Variants in SEMA3A observed in about 807,000 individuals in gnomAD.
SEMA3A encodes semaphorin 3A.
A neutral mutation model predicts 97.9 loss-of-function variants in SEMA3A; 29 were observed. The observed-to-expected ratio is 0.30, with a 90% CI of 0.22 to 0.40. SEMA3A has a LOEUF of 0.40. Ranked by LOEUF, SEMA3A falls within the 10% of genes least tolerant of loss-of-function variation. The pLI, the probability that SEMA3A is intolerant of heterozygous loss-of-function variation, is 1.00. For synonymous variants in SEMA3A, 321 were observed against 323.7 expected, an observed-to-expected ratio of 0.99 and a Z score of 0.09; for missense variants, 763 against 951.3, an observed-to-expected ratio of 0.80 and a Z score of 2.60.
At chr7:84,018,074 A>T (rs1005750656) in intron 6 of SEMA3A, among the ~76,000 whole-genome samples, 1 of 152,198 alleles carries the variant, frequency 6.6e-6, no homozygotes, top group African/African-American at 2.4e-5. Flanking sequence ...TAGATTTATT[A>T]TCAACAACTG....
intron 3 of SEMA3A, among the ~76,000 whole-genome samples, chr7:84,127,452 G>A (rs1795833093): frequency 6.6e-6 from 1 of 152,010 alleles, no homozygotes; most frequent in Admixed American, 6.6e-5. Flanking sequence ...AGCATACCCT[G>A]TTATTAAGCT....
chr7:84,457,844 T>C (rs1277874809), intron 1 of SEMA3A, among the ~76,000 whole-genome samples: 2 of 152,038 alleles, frequency 1.3e-5, no homozygotes, highest in Non-Finnish European at 2.9e-5. Context: ...AATTCACTTT[T>C]GTTATGTAGC....
intron 3 of SEMA3A, among the ~76,000 whole-genome samples, chr7:84,213,894 G>A (rs1439095761): frequency 6.6e-6 from 1 of 152,192 alleles, no homozygotes; most frequent in Non-Finnish European, 1.5e-5. Flanking sequence ...CATGGAAATA[G>A]AGGCATTGGG....
chr7:84,035,110 G>C (rs1287984434), intron 6 of SEMA3A, among the ~76,000 whole-genome samples: 1 of 151,828 alleles, frequency 6.6e-6, no homozygotes. Context: ...AAAATTATTA[G>C]ACCATCTATA....
upstream of SEMA3A, among the ~76,000 whole-genome samples, chr7:84,199,725 C>T (rs866982465): frequency 6.6e-6 from 1 of 151,954 alleles, no homozygotes; most frequent in Admixed American, 6.5e-5. Flanking sequence ...AAATTTGAAC[C>T]TTTCTTTTTT....
chr7:84,244,608 G>A (rs750269209), intron 3 of SEMA3A, among the ~76,000 whole-genome samples: 7 of 152,084 alleles, frequency 4.6e-5, no homozygotes, highest in Non-Finnish European at 7.4e-5. Flanking sequence ...ATATTGTTAC[G>A]TGTGAATTTA....
chr7:84,236,430 T>A (rs757676421), intron 3 of SEMA3A, among the ~76,000 whole-genome samples: 32 of 152,142 alleles, frequency 2.1e-4, no homozygotes, highest in Non-Finnish European at 3.8e-4. Flanking sequence ...CAGTCATCAG[T>A]ATTAATTCGC....
intron 5 of SEMA3A, among the ~76,000 whole-genome samples, chr7:84,048,295 C>G (rs187453226): frequency 1.3e-5 from 2 of 151,846 alleles, no homozygotes; most frequent in East Asian, 3.9e-4. Flanking sequence ...AGAAATAGCC[C>G]TTTTCTGAAA....
At chr7:84,027,049 A>G (rs898126956) in intron 6 of SEMA3A, among the ~76,000 whole-genome samples, 1 of 152,196 alleles carries the variant, frequency 6.6e-6, no homozygotes, top group African/African-American at 2.4e-5. Context: ...TACCTACAAA[A>G]AAATGGACCA....
At chr7:84,243,199 C>T (rs10263842) in intron 3 of SEMA3A, among the ~76,000 whole-genome samples, 107,479 of 151,954 alleles carry the variant, frequency 0.71, 38,217 homozygotes, top group East Asian at 0.79. Context: ...TTTTCTATTG[C>T]TTGGAGTAGT....
chr7:84,364,012 C>A (rs2116075663), intron 2 of SEMA3A, among the ~76,000 whole-genome samples: 1 of 151,648 alleles, frequency 6.6e-6, no homozygotes, highest in East Asian at 1.9e-4. Context: ...TGGAGATGTT[C>A]AAAAATAATG....
At chr7:84,491,979 A>G (rs1326283646) in intron 1 of SEMA3A, among the ~76,000 whole-genome samples, 1 of 152,170 alleles carries the variant, frequency 6.6e-6, no homozygotes, top group African/African-American at 2.4e-5. Flanking sequence ...AAGCTATAGA[A>G]CAGATTTGTT....
intron 2 of SEMA3A, among the ~76,000 whole-genome samples, chr7:84,313,063 T>C (rs1801384717): frequency 6.9e-6 from 1 of 144,610 alleles, no homozygotes; most frequent in Admixed American, 7.0e-5. Context: ...ATATGTATAA[T>C]ATATATACTA....
intron 1 of SEMA3A, among the ~76,000 whole-genome samples, chr7:84,473,049 A>G (rs758822626): frequency 2.6e-5 from 4 of 152,054 alleles, no homozygotes; most frequent in African/African-American, 4.8e-5. Flanking sequence ...AATCTAGATA[A>G]GAAACTCTAT....
At chr7:84,286,548 G>C (rs1800593219) in intron 3 of SEMA3A, among the ~76,000 whole-genome samples, 1 of 152,074 alleles carries the variant, frequency 6.6e-6, no homozygotes, top group Admixed American at 6.6e-5. Context: ...TATTTTATTA[G>C]ATAATGATAG....
intron 2 of SEMA3A, among the ~76,000 whole-genome samples, chr7:84,354,187 T>C (rs1562916086): frequency 6.6e-6 from 1 of 151,540 alleles, no homozygotes; most frequent in Non-Finnish European, 1.5e-5. Context: ...CTAAAAAGAA[T>C]TGACAATGTA....
At chr7:84,169,651 C>G (rs1797324624) in intron 1 of SEMA3A, among the ~76,000 whole-genome samples, 1 of 151,124 alleles carries the variant, frequency 6.6e-6, no homozygotes, top group Non-Finnish European at 1.5e-5. Flanking sequence ...CTTTAAAAAA[C>G]CAAATACCAT....
intron 1 of SEMA3A, among the ~76,000 whole-genome samples, chr7:84,418,082 G>A (rs10250317): frequency 1.3e-5 from 2 of 152,102 alleles, no homozygotes; most frequent in African/African-American, 4.8e-5. Context: ...TTGTTTCTGA[G>A]TGTGTCTGTG....
chr7:84,148,686 T>C (rs1796537537), intron 1 of SEMA3A, among the ~76,000 whole-genome samples: 1 of 152,174 alleles, frequency 6.6e-6, no homozygotes, highest in Non-Finnish European at 1.5e-5. Context: ...TCCACTTATA[T>C]TTGTATTTTC....
Sources: gnomAD v4.1 joint callset for allele counts (sites outside exome capture counted in the v4.1 genomes callset) on GRCh38, gnomAD v4.1.1 for gene constraint, MANE v1.5 for transcripts, NCBI Gene and HGNC (gene_info 2026-07-23, HGNC 2026-07-21) for gene names.